Variants in PTPRO observed in about 807,000 individuals in gnomAD.
The protein encoded by PTPRO is receptor-type tyrosine-protein phosphatase O.
PTPRO carries 62 observed loss-of-function variants against 145.2 expected under a neutral mutation model. The observed-to-expected ratio is 0.43, with a 90% CI of 0.35 to 0.53. The LOEUF (loss-of-function observed/expected upper bound fraction) is 0.53. Among genes scored for constraint, PTPRO ranks in the 20% least tolerant of loss-of-function variants. PTPRO has a pLI of 0.01. For missense variants in PTPRO, 1,345 were observed against 1,482.7 expected (o/e 0.91, Z 1.53); for synonymous variants, 565 against 514.7 (o/e 1.10, Z -1.32).
chr12:15,513,227 A>G (rs895651780), intron 7 of PTPRO, among the ~76,000 whole-genome samples: 5 of 130,012 alleles, frequency 3.8e-5, no homozygotes, highest in Non-Finnish European at 8.3e-5. Context: ...GAAAGAAAGA[A>G]AAGAAAGAAA....
At chr12:15,380,535 T>C (rs1242350250) in intron 1 of PTPRO, among the ~76,000 whole-genome samples, 1 of 152,112 alleles carries the variant, frequency 6.6e-6, no homozygotes, top group East Asian at 1.9e-4. Context: ...CCAAATTAAA[T>C]GGTATTTGGA....
At chr12:15,592,814 A>G (rs777783289) in intron 25 of PTPRO, among the ~76,000 whole-genome samples, 8 of 152,178 alleles carry the variant, frequency 5.3e-5, no homozygotes, top group Non-Finnish European at 1.0e-4. Context: ...CTTATGAATG[A>G]TGTTCTCCTC....
At chr12:15,541,402 T>A (rs1324423444) in intron 12 of PTPRO, among the ~76,000 whole-genome samples, 1 of 152,222 alleles carries the variant, frequency 6.6e-6, no homozygotes, top group Admixed American at 6.5e-5. Context: ...AGGGACATAT[T>A]TGGTATTTTG....
chr12:15,334,357 G>C (rs1866695708), intron 1 of PTPRO, among the ~76,000 whole-genome samples: 1 of 152,050 alleles, frequency 6.6e-6, no homozygotes, highest in South Asian at 2.1e-4. Context: ...TGAAATACTA[G>C]GTGATAAATA....
intron 7 of PTPRO, among the ~76,000 whole-genome samples, chr12:15,512,007 T>C (rs938736689): frequency 1.3e-5 from 2 of 152,200 alleles, no homozygotes; most frequent in Admixed American, 6.5e-5. Context: ...TTCTAAACAT[T>C]CTAAATAGGC....
intron 12 of PTPRO, among the ~76,000 whole-genome samples, chr12:15,538,431 G>C (rs866871871): frequency 6.6e-6 from 1 of 152,080 alleles, no homozygotes; most frequent in African/African-American, 2.4e-5. Flanking sequence ...CACCATTTTG[G>C]TCAGGCTGGT....
intron 1 of PTPRO, among the ~76,000 whole-genome samples, chr12:15,455,462 A>G (rs959622604): frequency 4.6e-5 from 7 of 152,158 alleles, no homozygotes; most frequent in Non-Finnish European, 1.0e-4. Context: ...GAACAATATT[A>G]AGTCTTCCGG....
intron 1 of PTPRO, among the ~76,000 whole-genome samples, chr12:15,377,332 T>A (rs1286918040): frequency 6.6e-6 from 1 of 152,022 alleles, no homozygotes; most frequent in African/African-American, 2.4e-5. Flanking sequence ...ATGGCAAATG[T>A]AAATCCCACC....
At chr12:15,585,499 T>C (rs1944412486) in intron 23 of PTPRO, among the ~76,000 whole-genome samples, 1 of 152,186 alleles carries the variant, frequency 6.6e-6, no homozygotes, top group Non-Finnish European at 1.5e-5. Flanking sequence ...ACAATGGGTG[T>C]AGGGGAGGTG....
chr12:15,452,317 G>T (rs1348280102), intron 1 of PTPRO, among the ~76,000 whole-genome samples: 3 of 152,018 alleles, frequency 2.0e-5, no homozygotes, highest in African/African-American at 4.8e-5. Context: ...CCCTGAACAG[G>T]CCAATAACGA....
chr12:15,364,498 T>C (rs117856794), intron 1 of PTPRO, among the ~76,000 whole-genome samples: 31 of 152,322 alleles, frequency 2.0e-4, no homozygotes, highest in East Asian at 3.9e-4. Flanking sequence ...GTCTGCTTTA[T>C]TGTAATTGCA....
chr12:15,328,716 A>G (rs1468620313), intron 1 of PTPRO, among the ~76,000 whole-genome samples: 2 of 152,204 alleles, frequency 1.3e-5, no homozygotes, highest in Non-Finnish European at 2.9e-5. Context: ...CTGCAATTCT[A>G]TTTATATGCA....
chr12:15,447,805 G>A (rs1259945010), intron 1 of PTPRO, among the ~76,000 whole-genome samples: 2 of 152,088 alleles, frequency 1.3e-5, no homozygotes, highest in Non-Finnish European at 2.9e-5. Flanking sequence ...TGGTTCCTTG[G>A]AAACTAATGG....
chr12:15,478,636 A>G (rs1941710281), intron 1 of PTPRO, among the ~76,000 whole-genome samples: 1 of 152,198 alleles, frequency 6.6e-6, no homozygotes, highest in South Asian at 2.1e-4. Context: ...GGTCACAACC[A>G]CAGGCAAAAG....
At chr12:15,469,457 G>A (rs1377699186) in intron 1 of PTPRO, among the ~76,000 whole-genome samples, 1 of 152,144 alleles carries the variant, frequency 6.6e-6, no homozygotes, top group Non-Finnish European at 1.5e-5. Flanking sequence ...GAGAACAAAT[G>A]TATTTTATGG....
intron 12 of PTPRO, among the ~76,000 whole-genome samples, chr12:15,544,403 G>A (rs1264953096): frequency 6.6e-6 from 1 of 150,544 alleles, no homozygotes; most frequent in Non-Finnish European, 1.5e-5. Flanking sequence ...TACTCAGGAG[G>A]CTGAGGCAGG....
At chr12:15,372,800 A>T (rs1366799627) in intron 1 of PTPRO, among the ~76,000 whole-genome samples, 3 of 152,150 alleles carry the variant, frequency 2.0e-5, no homozygotes, top group Admixed American at 2.0e-4. Flanking sequence ...AAATGTGATA[A>T]TCATACTCAT....
intron 1 of PTPRO, among the ~76,000 whole-genome samples, chr12:15,466,964 T>C (rs184698851): frequency 1.2e-4 from 19 of 152,322 alleles, no homozygotes; most frequent in Admixed American, 5.2e-4. Flanking sequence ...GAATGTGAGA[T>C]TAACGCTCAT....
At chr12:15,578,287 C>T (rs1208700667) in intron 19 of PTPRO, among the ~76,000 whole-genome samples, 4 of 152,170 alleles carry the variant, frequency 2.6e-5, no homozygotes, top group Admixed American at 6.5e-5. Context: ...TTAAGTTACT[C>T]TATTCCTCCA....
Sources: gnomAD v4.1 joint callset for allele counts (sites outside exome capture counted in the v4.1 genomes callset) on GRCh38, gnomAD v4.1.1 for gene constraint, MANE v1.5 for transcripts, NCBI Gene and HGNC (gene_info 2026-07-23, HGNC 2026-07-21) for gene names.